Variants in TUT4 observed in about 807,000 individuals in gnomAD.
The protein encoded by TUT4 is terminal uridylyl transferase 4, also known as terminal uridylyltransferase 4.
TUT4 carries 36 observed loss-of-function variants against 192.2 expected under a neutral mutation model. The observed-to-expected ratio is 0.19, with a 90% CI of 0.14 to 0.25. The LOEUF (loss-of-function observed/expected upper bound fraction) is 0.25. Among genes scored for constraint, TUT4 ranks in the 10% least tolerant of loss-of-function variants. The pLI is 1.00. For synonymous variants in TUT4, 618 were observed against 666.0 expected, an observed-to-expected ratio of 0.93 and a Z score of 1.11; for missense variants, 1,493 against 1,957.2, an observed-to-expected ratio of 0.76 and a Z score of 4.47.
chr1:52,438,854 G>A (rs1325235758), intron 24 of TUT4, among the ~76,000 whole-genome samples: 1 of 152,134 alleles, frequency 6.6e-6, no homozygotes, highest in African/African-American at 2.4e-5. Context: ...GGGATCACCT[G>A]AGGTCAGGAG....
chr1:52,467,901 G>A (rs1664664089), intron 15 of TUT4, among the ~76,000 whole-genome samples: 2 of 152,016 alleles, frequency 1.3e-5, no homozygotes, highest in Admixed American at 1.3e-4. Flanking sequence ...TTATGAGAGA[G>A]GCCTATCATA....
intron 2 of TUT4, among the ~76,000 whole-genome samples, chr1:52,524,027 G>C (rs976255065): frequency 6.6e-6 from 1 of 152,028 alleles, no homozygotes; most frequent in African/African-American, 2.4e-5. Context: ...AACAAAATCA[G>C]GATTAAAGTT....
intron 12 of TUT4, among the ~76,000 whole-genome samples, chr1:52,476,628 A>G (rs905528173): frequency 2.0e-5 from 3 of 151,960 alleles, no homozygotes; most frequent in African/African-American, 7.3e-5. Context: ...TTTCTTCCTC[A>G]CTTCCCAAAG....
Position 52,446,644 on chromosome 1 carries a change from T to C in TUT4, c.3459A>G (p.Pro1153=), listed in dbSNP as rs1210652702. 2.5e-6 allele frequency: 4 copies of C among 1,603,476 alleles called. No individual in the cohort carries two copies. Among genetic ancestry groups the C allele is most frequent in the Admixed American group, 3.5e-5 (2 of 57,028 alleles). ...CATTCCATCCATCAACCATTCTCTG[T>C]GGAATCTGTTTTCCATCAAAGATCT... The part of the protein sequence containing the change: ...LQEIFDGKQI[P]QRMVDGWNAF... The change falls in exon 21 of 30, where the codon CCA becomes CCG. Residue 1153 remains proline, a synonymous_variant. Coordinates refer to ENST00000257177, the MANE Select transcript of TUT4 (RefSeq NM_001009881.3).
At chr1:52,535,720 A>T (rs1239851594) in intron 1 of TUT4, among the ~76,000 whole-genome samples, 1 of 152,236 alleles carries the variant, frequency 6.6e-6, no homozygotes, top group Non-Finnish European at 1.5e-5. Flanking sequence ...ACTCAAAGAA[A>T]TCCACACTGA....
intron 24 of TUT4, among the ~76,000 whole-genome samples, chr1:52,442,632 T>C (rs767076609): frequency 2.0e-5 from 3 of 152,196 alleles, no homozygotes; most frequent in Non-Finnish European, 2.9e-5. Flanking sequence ...TTGAGGGTCA[T>C]GTCAGTGCTC....
chr1:52,463,622 CAT>C (rs1663239675), intron 16 of TUT4: 1 of 1,298,914 alleles, frequency 7.7e-7, no homozygotes, highest in Non-Finnish European at 1.0e-6. Context: ...CATTTTGAAA[CAT>C]AAATAACAAT....
Position 52,435,585 on chromosome 1 carries a change from G to C in TUT4, c.4163-120C>G, listed in dbSNP as rs112762072. The C allele has an allele frequency of 1.8e-5, 14 of 766,210 alleles. No individual in the cohort carries two copies. The African/African-American group carries it at 2.1e-4, about 11-fold the overall frequency. 47.5% of individuals were successfully genotyped at this position (766,210 alleles called of 1,614,324 possible). Reference sequence around the variant, plus strand: ...ATATCTCTGCAATTTTATAAACTTGGACTTTTAAACCTTAAGTATATTAAC... The same window carrying C: ...ATATCTCTGCAATTTTATAAACTTGCACTTTTAAACCTTAAGTATATTAAC... On this transcript the variant is annotated intron_variant, in intron 26 of 29. Coordinates refer to ENST00000257177, the MANE Select transcript of TUT4 (RefSeq NM_001009881.3).
intron 2 of TUT4, among the ~76,000 whole-genome samples, chr1:52,522,988 T>TC (rs1491545617): frequency 1.4e-3 from 4 of 2,900 alleles, no homozygotes. Context: ...CTTAACTATC[T>TC]TTTTTTTTTT....
chr1:52,494,521 G>A (rs1297944799), intron 6 of TUT4, among the ~76,000 whole-genome samples: 1 of 151,926 alleles, frequency 6.6e-6, no homozygotes, highest in Non-Finnish European at 1.5e-5. Context: ...GTGAAACCCC[G>A]TTTCTACTAA....
At chr1:52,522,987 CTTTTTTTTTTT>C (rs748149518) in intron 2 of TUT4, among the ~76,000 whole-genome samples, 1 of 89,566 alleles carries the variant, frequency 1.1e-5, no homozygotes, top group East Asian at 3.9e-4. Flanking sequence ...CCTTAACTAT[CTTTTTTTTTTT>C]TTTTTTTTTT....
intron 24 of TUT4, among the ~76,000 whole-genome samples, chr1:52,439,487 A>G (rs112999588): frequency 6.6e-6 from 1 of 152,222 alleles, no homozygotes; most frequent in African/African-American, 2.4e-5. Flanking sequence ...TGTCACGAAG[A>G]CTAGTTGGTC....
intron 2 of TUT4, among the ~76,000 whole-genome samples, chr1:52,523,701 T>C (rs1180563209): frequency 6.6e-6 from 1 of 152,190 alleles, no homozygotes; most frequent in African/African-American, 2.4e-5. Flanking sequence ...ACCAGTATTA[T>C]CACTTATTTG....
chr1:52,453,221 A>C (rs1659956674), intron 20 of TUT4, among the ~76,000 whole-genome samples: 2 of 152,020 alleles, frequency 1.3e-5, no homozygotes, highest in Non-Finnish European at 2.9e-5. Flanking sequence ...CTCTACTAAA[A>C]ATACAAAAAA....
chr1:52,449,370 C>T (rs1557685115), intron 20 of TUT4, among the ~76,000 whole-genome samples: 1 of 152,238 alleles, frequency 6.6e-6, no homozygotes. Flanking sequence ...ACAATCTCAG[C>T]TCACTGCAAC....
At chr1:52,470,048 T>C (rs1288072698) in intron 14 of TUT4, among the ~76,000 whole-genome samples, 3 of 152,032 alleles carry the variant, frequency 2.0e-5, no homozygotes, top group African/African-American at 7.2e-5. Context: ...CAGGTCTTGG[T>C]TTCTAATCTC....
At chr1:52,505,440 G>A (rs1366572371) in intron 4 of TUT4, among the ~76,000 whole-genome samples, 1 of 31,088 alleles carries the variant, frequency 3.2e-5, no homozygotes, top group Non-Finnish European at 6.1e-5. Flanking sequence ...TTTTTTTTTT[G>A]AGACAGAGTA....
At chr1:52,547,618 A>G (rs1285580583) in intron 1 of TUT4, among the ~76,000 whole-genome samples, 1 of 152,202 alleles carries the variant, frequency 6.6e-6, no homozygotes. Flanking sequence ...AAGTAGAAAT[A>G]ACCCAAATGT....
At chr1:52,545,640 C>T (rs1687871201) in intron 1 of TUT4, among the ~76,000 whole-genome samples, 1 of 152,046 alleles carries the variant, frequency 6.6e-6, no homozygotes, top group Non-Finnish European at 1.5e-5. Context: ...GATACCAACT[C>T]ACAACCCATA....
Sources: gnomAD v4.1 joint callset for allele counts (sites outside exome capture counted in the v4.1 genomes callset) on GRCh38, gnomAD v4.1.1 for gene constraint, MANE v1.5 for transcripts, NCBI Gene and HGNC (gene_info 2026-07-23, HGNC 2026-07-21) for gene names.